The following LRRTM4 variants were observed in gnomAD, a reference collection of about 807,000 sequenced individuals.
LRRTM4 encodes leucine-rich repeat transmembrane neuronal protein 4.
In LRRTM4, 25 loss-of-function variants were observed where a neutral mutation model predicts 47.6. That is an observed-to-expected ratio of 0.53 (90% CI 0.38 to 0.73). The LOEUF (loss-of-function observed/expected upper bound fraction) is 0.73. Ranked by LOEUF, LRRTM4 falls within the 30% of genes least tolerant of loss-of-function variation. LRRTM4 has a pLI of 0.00. For synonymous variants in LRRTM4, 311 were observed against 269.5 expected (o/e 1.15, Z -1.51); for missense variants, 638 against 713.4 (o/e 0.89, Z 1.20).
Position 77,014,726 on chromosome 2 carries a change from C to T in LRRTM4, c.1552-265810G>A, listed in dbSNP as rs989040327. Among the ~76,000 whole-genome samples, 6 of 152,004 alleles carry T rather than the reference C, an allele frequency of 3.9e-5. No individual in the cohort carries two copies. The East Asian group carries it at 9.7e-4, about 25-fold the overall frequency. Reference sequence around the variant, plus strand: ...ACCTGGGAGGCTGAAGCAGGAGAATCGTTTGAACCTGGGAGGTGGAGGTTG... The same window carrying T: ...ACCTGGGAGGCTGAAGCAGGAGAATTGTTTGAACCTGGGAGGTGGAGGTTG... On this transcript the variant is annotated intron_variant, in intron 3 of 3. Transcript: ENST00000409884.
Position 76,936,528 on chromosome 2 carries a change from A to T in LRRTM4, c.1552-187612T>A, listed in dbSNP as rs1674954809. Among the ~76,000 whole-genome samples the T allele has an allele frequency of 6.0e-5, 9 of 151,202 alleles. No individual in the cohort carries two copies. In the South Asian group the frequency reaches 1.9e-3, roughly 32 times the overall value. On this transcript the variant is annotated intron_variant, in intron 3 of 3. Coordinates refer to ENST00000409884, the MANE Select transcript of LRRTM4 (RefSeq NM_001134745.3). ...TGCAGCAATCCACCATGGCACGTGTATGCCTATGTAAGAAACCTGCACGTT... is the reference window on the plus strand; with the variant it reads ...TGCAGCAATCCACCATGGCACGTGTTTGCCTATGTAAGAAACCTGCACGTT...
chr2:77,478,534 T>C (rs1034799498), intron 3 of LRRTM4, among the ~76,000 whole-genome samples: 1 of 152,220 alleles, frequency 6.6e-6, no homozygotes, highest in Non-Finnish European at 1.5e-5. Context: ...AGGAAAGAAA[T>C]ATTGACAAAC....
At chr2:76,855,023 C>T (rs1395160096) in intron 3 of LRRTM4, among the ~76,000 whole-genome samples, 2 of 151,734 alleles carry the variant, frequency 1.3e-5, no homozygotes, top group African/African-American at 2.4e-5. Flanking sequence ...CCAGATAGGA[C>T]GCATTGAGTC....
intron 3 of LRRTM4, among the ~76,000 whole-genome samples, chr2:76,771,259 A>G (rs1448044769): frequency 1.3e-5 from 2 of 152,246 alleles, no homozygotes; most frequent in Non-Finnish European, 2.9e-5. Context: ...GAATCGCTGT[A>G]TCAGCTCTTC....
chr2:76,815,886 G>A (rs926747869), intron 3 of LRRTM4, among the ~76,000 whole-genome samples: 4 of 152,066 alleles, frequency 2.6e-5, no homozygotes, highest in African/African-American at 7.2e-5. Flanking sequence ...TGGGGGGTGG[G>A]CTCTTCTAAA....
At chr2:76,962,917 T>C (rs1471373437) in intron 3 of LRRTM4, among the ~76,000 whole-genome samples, 1 of 149,954 alleles carries the variant, frequency 6.7e-6, no homozygotes, top group Non-Finnish European at 1.5e-5. Flanking sequence ...ATTTAGAAAA[T>C]TTAAAAATAG....
chr2:77,132,156 T>C (rs72911854), intron 3 of LRRTM4, among the ~76,000 whole-genome samples: 4,415 of 152,284 alleles, frequency 0.029, 226 homozygotes, highest in African/African-American at 0.1. Flanking sequence ...CCATACAGTC[T>C]TTCCAGCCTC....
At chr2:77,256,518 T>C (rs142984270) in intron 3 of LRRTM4, among the ~76,000 whole-genome samples, 233 of 152,174 alleles carry the variant, frequency 1.5e-3, no homozygotes, top group African/African-American at 4.9e-3. Context: ...GGTGCATCTT[T>C]CCAGAGCTGT....
At chr2:76,840,365 G>A (rs189707977) in intron 3 of LRRTM4, among the ~76,000 whole-genome samples, 12 of 152,312 alleles carry the variant, frequency 7.9e-5, no homozygotes, top group Admixed American at 7.8e-4. Flanking sequence ...CCTTTTGAGA[G>A]CAATAACAGA....
At chr2:76,973,584 G>A (rs981521564) in intron 3 of LRRTM4, among the ~76,000 whole-genome samples, 1 of 151,914 alleles carries the variant, frequency 6.6e-6, no homozygotes, top group African/African-American at 2.4e-5. Context: ...TGGGAGACAA[G>A]AGGTATTGCA....
intron 3 of LRRTM4, among the ~76,000 whole-genome samples, chr2:76,968,383 T>TAC (rs1553437948): frequency 0.034 from 3,725 of 110,522 alleles, 130 homozygotes; most frequent in East Asian, 0.065. Flanking sequence ...TATATATATA[T>TAC]ACACATACAT....
intron 3 of LRRTM4, among the ~76,000 whole-genome samples, chr2:77,054,010 T>C (rs1171239204): frequency 6.6e-6 from 1 of 152,160 alleles, no homozygotes; most frequent in Non-Finnish European, 1.5e-5. Context: ...TATTGTATGA[T>C]AAGTTTTGGA....
chr2:77,012,124 G>A (rs77870915), intron 3 of LRRTM4, among the ~76,000 whole-genome samples: 3 of 151,978 alleles, frequency 2.0e-5, no homozygotes, highest in South Asian at 4.2e-4. Context: ...AACCATACAG[G>A]GAATGAATTC....
intron 3 of LRRTM4, among the ~76,000 whole-genome samples, chr2:77,331,860 T>G (rs1375639629): frequency 6.6e-6 from 1 of 152,152 alleles, no homozygotes; most frequent in Non-Finnish European, 1.5e-5. Flanking sequence ...GCCAGAAACA[T>G]GTGCAATGGT....
chr2:77,007,259 A>C (rs17406202), intron 3 of LRRTM4, among the ~76,000 whole-genome samples: 18,792 of 152,062 alleles, frequency 0.12, 1,432 homozygotes, highest in Admixed American at 0.2. Flanking sequence ...AAAGACTAAG[A>C]AGCACAGAGG....
intron 3 of LRRTM4, among the ~76,000 whole-genome samples, chr2:77,158,398 T>C (rs965109313): frequency 1.3e-5 from 2 of 152,212 alleles, no homozygotes; most frequent in Admixed American, 1.3e-4. Flanking sequence ...TTTGAAATTA[T>C]TTTATCTTTT....
chr2:77,462,695 A>G (rs572240071), intron 3 of LRRTM4, among the ~76,000 whole-genome samples: 1 of 152,230 alleles, frequency 6.6e-6, no homozygotes, highest in East Asian at 1.9e-4. Context: ...ACAAATGATG[A>G]AATACTCCCA....
At chr2:77,296,029 T>C (rs760659561) in intron 3 of LRRTM4, among the ~76,000 whole-genome samples, 7 of 152,212 alleles carry the variant, frequency 4.6e-5, no homozygotes, top group Non-Finnish European at 8.8e-5. Flanking sequence ...ACAGCAAATA[T>C]CTGAGTAGTT....
intron 3 of LRRTM4, among the ~76,000 whole-genome samples, chr2:77,049,120 TTTTATATATATATATATATA>T (rs1193570050): frequency 6.0e-5 from 4 of 66,474 alleles, no homozygotes; most frequent in East Asian, 4.6e-4. Context: ...ATATTTCATT[TTTTATATATATATATATATA>T]TATATATATA....
Sources: gnomAD v4.1 joint callset for allele counts (sites outside exome capture counted in the v4.1 genomes callset) on GRCh38, gnomAD v4.1.1 for gene constraint, MANE v1.5 for transcripts, NCBI Gene and HGNC (gene_info 2026-07-23, HGNC 2026-07-21) for gene names.